The following RBFOX3 variants were observed in gnomAD, a reference collection of about 807,000 sequenced individuals.
The protein encoded by RBFOX3 is RNA binding protein fox-1 homolog 3.
In RBFOX3, 17 loss-of-function variants were observed where a neutral mutation model predicts 48.7. The observed-to-expected ratio is 0.35, with a 90% CI of 0.24 to 0.52. The LOEUF (loss-of-function observed/expected upper bound fraction) is 0.52. Among genes scored for constraint, RBFOX3 ranks in the 20% least tolerant of loss-of-function variants. The pLI, the probability that RBFOX3 is intolerant of heterozygous loss-of-function variation, is 0.94. For synonymous variants in RBFOX3, 212 were observed against 209.5 expected, an observed-to-expected ratio of 1.01 and a Z score of -0.10; for missense variants, 382 against 497.5, an observed-to-expected ratio of 0.77 and a Z score of 2.21.
At chr17:79,623,931 G>A in the RBFOX3 span, among the ~76,000 whole-genome samples, 1 of 152,072 alleles carries the variant, frequency 6.6e-6, no homozygotes, top group East Asian at 1.9e-4. Flanking sequence ...GCAGGGTGAG[G>A]GCTTCCATCT....
intron 1 of RBFOX3, among the ~76,000 whole-genome samples, chr17:79,506,567 C>G (rs1308999150): frequency 2.6e-5 from 4 of 152,178 alleles, no homozygotes; most frequent in African/African-American, 4.8e-5. Context: ...GGCCACAGAG[C>G]CTCTCAGGCC....
chr17:79,624,961 G>C, the RBFOX3 span, among the ~76,000 whole-genome samples: 2 of 152,172 alleles, frequency 1.3e-5, no homozygotes, highest in African/African-American at 4.8e-5. Flanking sequence ...AGAGACTGGG[G>C]AAGGCAGCAT....
At chr17:79,106,581 G>C in intron 6 of RBFOX3, 70 bp downstream of exon 6, 1 of 1,390,268 alleles carries the variant, frequency 7.2e-7, no homozygotes, top group Non-Finnish European at 9.3e-7. Flanking sequence ...AGGAAGGCAG[G>C]GCCTGTGGGC....
chr17:79,427,456 A>G (rs564014855), intron 2 of RBFOX3, among the ~76,000 whole-genome samples: 1 of 152,360 alleles, frequency 6.6e-6, no homozygotes, highest in Admixed American at 6.5e-5. Flanking sequence ...CACTGATCCT[A>G]CAAGATTTCC....
chr17:79,364,204 C>T lies in RBFOX3; in HGVS notation c.-174-56380G>A, dbSNP rs984050323. ...GTGTTCAGCCTTCCTCTCTGCTCCA[C>T]CTGCCTGCCCAGAGTAGGTCTGGCA... On this transcript the variant is annotated intron_variant, in intron 2 of 14. Coordinates refer to ENST00000693108, the MANE Select transcript of RBFOX3 (RefSeq NM_001350451.2). The surrounding 1 kb of genome is among the most constrained non-coding windows in gnomAD (Gnocchi z 5.1). Among the ~76,000 whole-genome samples the T allele has an allele frequency of 2.6e-5, 4 of 152,364 alleles. No individual in the cohort carries two copies. Among genetic ancestry groups the T allele is most frequent in the African/African-American group, 7.2e-5 (3 of 41,596 alleles).
chr17:79,564,347 G>A (rs2092372989), intron 1 of RBFOX3, among the ~76,000 whole-genome samples: 1 of 152,222 alleles, frequency 6.6e-6, no homozygotes, highest in Middle Eastern at 3.2e-3. Flanking sequence ...CCAGGAGCTG[G>A]TGTAGTGGGA....
chr17:79,143,237 G>A (rs1048426213), intron 4 of RBFOX3, among the ~76,000 whole-genome samples: 1 of 152,092 alleles, frequency 6.6e-6, no homozygotes, highest in Non-Finnish European at 1.5e-5. Context: ...GTGCCAGCTC[G>A]CCCGAGTCCA....
At chr17:79,422,643 C>T (rs2066626607) in intron 2 of RBFOX3, among the ~76,000 whole-genome samples, 1 of 152,204 alleles carries the variant, frequency 6.6e-6, no homozygotes, top group Non-Finnish European at 1.5e-5. Flanking sequence ...GGTCGTCACC[C>T]CGGCAGTGCT....
At chr17:79,305,735 C>T (rs1174329044) in intron 3 of RBFOX3, among the ~76,000 whole-genome samples, 2 of 152,214 alleles carry the variant, frequency 1.3e-5, no homozygotes, top group Admixed American at 6.5e-5. Context: ...AGGGAGCCTC[C>T]GCTGGGCCAT....
At chr17:79,552,743 G>A (rs2091273896) in intron 1 of RBFOX3, among the ~76,000 whole-genome samples, 1 of 152,124 alleles carries the variant, frequency 6.6e-6, no homozygotes, top group Non-Finnish European at 1.5e-5. Context: ...CATGCATTTT[G>A]CACATTTCTT....
chr17:79,282,395 G>C (rs555966959), intron 3 of RBFOX3, among the ~76,000 whole-genome samples: 11 of 152,324 alleles, frequency 7.2e-5, no homozygotes, highest in Non-Finnish European at 1.3e-4. Context: ...TTTAGAAAAG[G>C]GTTCTTTTCT....
intron 2 of RBFOX3, among the ~76,000 whole-genome samples, chr17:79,333,642 G>A (rs1386306743): frequency 6.6e-6 from 1 of 152,148 alleles, no homozygotes. Flanking sequence ...AAAGTCCTGG[G>A]GGAAGAATGT....
chr17:79,628,601 G>A, the RBFOX3 span, among the ~76,000 whole-genome samples: 3 of 152,132 alleles, frequency 2.0e-5, no homozygotes, highest in Admixed American at 2.0e-4. Flanking sequence ...GTGCAATTGA[G>A]GGGCACTCGG....
intron 2 of RBFOX3, among the ~76,000 whole-genome samples, chr17:79,352,739 G>A (rs1568093991): frequency 1.3e-5 from 2 of 152,176 alleles, no homozygotes; most frequent in Admixed American, 6.5e-5. Flanking sequence ...ATGAGGCATG[G>A]GTGGCAAAGA....
chr17:79,194,943 G>A (rs1423785820), intron 4 of RBFOX3, among the ~76,000 whole-genome samples: 1 of 131,154 alleles, frequency 7.6e-6, no homozygotes, highest in Non-Finnish European at 1.7e-5. Flanking sequence ...CAATGTGGGT[G>A]CTGAAGAATT....
At chr17:79,639,426 T>C in the RBFOX3 span, among the ~76,000 whole-genome samples, 1 of 152,200 alleles carries the variant, frequency 6.6e-6, no homozygotes, top group South Asian at 2.1e-4. Context: ...TCTGCCTACC[T>C]TGGCCTCCCA....
intron 3 of RBFOX3, among the ~76,000 whole-genome samples, chr17:79,264,864 C>G (rs2066410582): frequency 6.6e-6 from 1 of 152,032 alleles, no homozygotes; most frequent in South Asian, 2.1e-4. Context: ...CTGGAAGGTT[C>G]TGCTCCCCTG....
intron 4 of RBFOX3, among the ~76,000 whole-genome samples, chr17:79,144,192 C>T (rs1409036633): frequency 6.6e-6 from 1 of 152,206 alleles, no homozygotes; most frequent in African/African-American, 2.4e-5. Flanking sequence ...CTGAGCCAGG[C>T]CAGGCCCTCC....
At chr17:79,484,987 C>T (rs1354201637) in intron 1 of RBFOX3, among the ~76,000 whole-genome samples, 4 of 152,194 alleles carry the variant, frequency 2.6e-5, no homozygotes, top group African/African-American at 9.7e-5. Flanking sequence ...GATTCCCAAG[C>T]ATTTGCTTTA....
Sources: gnomAD v4.1 joint callset for allele counts (sites outside exome capture counted in the v4.1 genomes callset) on GRCh38, gnomAD v4.1.1 for gene constraint, Gnocchi (gnomAD v3.1) non-coding constraint, MANE v1.5 for transcripts, NCBI Gene and HGNC (gene_info 2026-07-23, HGNC 2026-07-21) for gene names.